The following CREB3L3 variants were observed in gnomAD, a reference collection of about 807,000 sequenced individuals.
CREB3L3 encodes cAMP responsive element binding protein 3 like 3, also known as cyclic AMP-responsive element-binding protein 3-like protein 3.
Under a neutral mutation model 44.6 loss-of-function variants are expected in CREB3L3, and 40 were observed. The observed-to-expected ratio is 0.90, with a 90% confidence interval of 0.70 to 1.17. CREB3L3 has a LOEUF of 1.17. Ranked by LOEUF, CREB3L3 falls within the 50% of genes most tolerant of loss-of-function variation. CREB3L3 has a pLI of 0.00. For synonymous variants in CREB3L3, 273 were observed against 256.3 expected (o/e 1.06, Z -0.62); for missense variants, 578 against 595.8 (o/e 0.97, Z 0.31).
Position 4,170,191 on chromosome 19 carries a change from T to C in CREB3L3, c.873T>C (p.His291=), listed in dbSNP as rs754680643. ...AGGAGTTACAGAGGAAAGTCTTGCATCTCGAGAAGCAAAACCTGTGAGTCT... is the reference window on the plus strand; with the variant it reads ...AGGAGTTACAGAGGAAAGTCTTGCACCTCGAGAAGCAAAACCTGTGAGTCT... ...QNQELQRKVL[H]LEKQNLSLLE... The change falls in exon 7 of 10, where the codon CAT becomes CAC. Residue 291 remains histidine (H), a synonymous_variant. Transcript: ENST00000078445. The C allele has an allele frequency of 2.5e-6, 4 of 1,614,044 alleles. No homozygotes were observed. In the Admixed American group the frequency reaches 6.7e-5, roughly 27 times the overall value.
chr19:4,159,543 G>A (rs2041631663), intron 3 of CREB3L3, 121 bp from the exon 4 acceptor site: 2 of 729,536 alleles, frequency 2.7e-6, no homozygotes, highest in East Asian at 2.6e-5. Flanking sequence ...TCTGGCAGAA[G>A]TCATATGAAT....
chr19:4,166,044 C>A (rs1966898138), intron 5 of CREB3L3, among the ~76,000 whole-genome samples: 1 of 151,956 alleles, frequency 6.6e-6, no homozygotes, highest in African/African-American at 2.4e-5. Context: ...CCCACCCAGC[C>A]TGCTGCACTC....
At chr19:4,154,042 C>T (rs1364793804) in intron 1 of CREB3L3, among the ~76,000 whole-genome samples, 1 of 152,110 alleles carries the variant, frequency 6.6e-6, no homozygotes, top group Admixed American at 6.6e-5. Flanking sequence ...TAGGGCCTCT[C>T]TCCAGCACTT....
chr19:4,158,496 C>T (rs1247845097), intron 3 of CREB3L3, among the ~76,000 whole-genome samples: 2 of 149,410 alleles, frequency 1.3e-5, no homozygotes, highest in African/African-American at 2.5e-5. Context: ...GACTCTGTCT[C>T]GAAAAAAAGC....
intron 4 of CREB3L3, 29 bp downstream of exon 4, chr19:4,159,811 C>A (rs370548067): frequency 2.6e-5 from 26 of 984,030 alleles, no homozygotes; most frequent in Non-Finnish European, 4.3e-5. Context: ...TCCCATGGGG[C>A]GTTGGAGCTG....
rs201461744 is a variant in CREB3L3, at chr19:4,171,934, C to T, written c.1351C>T (p.Arg451Cys). 7.5e-5 allele frequency: 120 copies of T among 1,609,888 alleles called. No individual in the cohort carries two copies. Among genetic ancestry groups the T allele is most frequent in the Non-Finnish European group, 9.4e-5 (111 of 1,178,784 alleles). The change falls in exon 10 of 10, where the codon CGT (arginine) becomes TGT (cysteine). Residue 451 changes from arginine (R) to cysteine (C), a missense_variant. By Grantham distance (180) the Arg-to-Cys change is radical (BLOSUM62 -3). Coordinates refer to ENST00000078445, the MANE Select transcript of CREB3L3 (RefSeq NM_032607.3). This position sits in a 1 kb window ranked among gnomAD's most constrained non-coding sequence, Gnocchi z 4.9. ...GCCTGGGCCGAGCACTGGCTCAGGACGTGCAGGGCTGGAGGCGGCGGGAGA... is the reference window on the plus strand; with the variant it reads ...GCCTGGGCCGAGCACTGGCTCAGGATGTGCAGGGCTGGAGGCGGCGGGAGA... ...VAPGPSTGSG[R>C]AGLEAAGDEL
In CREB3L3 at chr19:4,171,172, C is replaced by G. The variant is rs768895841; in HGVS notation, c.972C>G (p.Val324=). The part of the protein sequence containing the change: ...TSKSAQTGTC[V]AVLLLSFALI... Reference sequence around the variant, plus strand: ...AGTCAGCCCAGACAGGCACCTGTGTCGCAGTGAGTCCTGGTGCCCCCAGGC... The same window carrying G: ...AGTCAGCCCAGACAGGCACCTGTGTGGCAGTGAGTCCTGGTGCCCCCAGGC... The change falls in exon 8 of 10, where the codon GTC becomes GTG. Residue 324 remains valine, a synonymous_variant. Coordinates refer to ENST00000078445, the MANE Select transcript of CREB3L3 (RefSeq NM_032607.3). The surrounding 1 kb of genome is among the most constrained non-coding windows in gnomAD (Gnocchi z 4.9). The G allele has an allele frequency of 1.9e-6, 3 of 1,613,706 alleles. No homozygotes were observed. Among genetic ancestry groups the G allele is most frequent in the Non-Finnish European group, 2.5e-6 (3 of 1,179,660 alleles).
At chr19:4,158,369 C>T (rs945174103) in intron 3 of CREB3L3, among the ~76,000 whole-genome samples, 1 of 151,808 alleles carries the variant, frequency 6.6e-6, no homozygotes, top group Non-Finnish European at 1.5e-5. Context: ...TGGTGGGGGC[C>T]ACCTGTAGTC....
rs368774801 is a variant in CREB3L3 at position 4,154,954 on chromosome 19, T to G, written c.83T>G (p.Leu28Arg). ...DPIDSFELLD[L>R]LFDRQDGILR... ...ATCGACAGCTTTGAGCTCCTGGATC[T>G]CCTGTTTGACCGGCAGGACGGCATC... is the stretch of plus-strand genomic sequence containing the variant. Residue 28 changes from leucine (L) to arginine (R), a missense_variant, in exon 2 of 10, where the codon CTC (leucine) becomes CGC (arginine). Leu to Arg is a moderately radical substitution (Grantham distance 102). Coordinates refer to ENST00000078445, the MANE Select transcript of CREB3L3 (RefSeq NM_032607.3). 6.2e-6 allele frequency: 10 copies of G among 1,613,422 alleles called. No homozygotes were observed. The African/African-American group carries it at 1.3e-4, about 22-fold the overall frequency.
chr19:4,166,542 G>T, intron 5 of CREB3L3, among the ~76,000 whole-genome samples: 1 of 149,754 alleles, frequency 6.7e-6, no homozygotes. Flanking sequence ...GGGATTACAG[G>T]TGTGAGCCAC....
At chr19:4,160,199 G>A (rs2041640335) in intron 4 of CREB3L3, among the ~76,000 whole-genome samples, 1 of 151,426 alleles carries the variant, frequency 6.6e-6, no homozygotes, top group Admixed American at 6.6e-5. Context: ...GGGAGGCTGA[G>A]GTGGAAGGAT....
intron 4 of CREB3L3, among the ~76,000 whole-genome samples, chr19:4,160,346 T>A (rs1388713892): frequency 6.6e-6 from 1 of 151,904 alleles, no homozygotes; most frequent in Non-Finnish European, 1.5e-5. Flanking sequence ...GCACCTGCTA[T>A]ATGCCAGGCG....
rs1244887500 is a variant in CREB3L3 at position 4,172,922 on chromosome 19, G to T, written c.*953G>T. The T allele has an allele frequency of 6.5e-6, 1 of 153,530 alleles. No homozygotes were observed. Among genetic ancestry groups the T allele is most frequent in the Non-Finnish European group, 1.5e-5 (1 of 68,882 alleles). The allele number at this position is 153,530 out of a possible 1,614,324, so 9.5% of individuals were successfully genotyped here. A position where few individuals can be genotyped will look rare whatever the true frequency, so the allele number is the denominator to read the frequency against. ...CCCGGCCTCCCTCGCACACTGGGAG[G>T]AGGAAGCCGCCGAGACTGCAGGGAG... On this transcript the variant is annotated 3_prime_UTR_variant, in exon 10 of 10. Transcript: ENST00000078445.
At chr19:4,166,491 C>G (rs562479583) in intron 5 of CREB3L3, among the ~76,000 whole-genome samples, 1 of 136,710 alleles carries the variant, frequency 7.3e-6, no homozygotes, top group Admixed American at 8.2e-5. Context: ...GTCTCGATCT[C>G]TTGACCTTGT....
Position 4,171,470 on chromosome 19 carries a change from C to T in CREB3L3, c.1063C>T (p.Pro355Ser), listed in dbSNP as rs556404400. The T allele has an allele frequency of 6.2e-7, 1 of 1,614,078 alleles. No individual in the cohort carries two copies. Among genetic ancestry groups the T allele is most frequent in the South Asian group, 1.1e-5 (1 of 91,066 alleles). The change falls in exon 9 of 10, where the codon CCT becomes TCT. Residue 355 changes from proline (P) to serine (S), a missense_variant. Physicochemically the swap from Pro to Ser is moderately conservative, Grantham distance 74. Coordinates refer to ENST00000078445, the MANE Select transcript of CREB3L3 (RefSeq NM_032607.3). The surrounding 1 kb of genome is among the most constrained non-coding windows in gnomAD (Gnocchi z 4.9). Reference protein sequence around the residue: ...NKTESPGDFAPVRVFSRTLHN... With the variant: ...NKTESPGDFASVRVFSRTLHN... Reference sequence around the variant, plus strand: ...AACCGAGAGCCCTGGGGACTTTGCGCCTGTACGAGGTAGGGGATCCCCACC... The same window carrying T: ...AACCGAGAGCCCTGGGGACTTTGCGTCTGTACGAGGTAGGGGATCCCCACC...
Position 4,154,923 on chromosome 19 carries a change from G to A in CREB3L3, c.52G>A (p.Asp18Asn). ...GATGGCTTCTGCTGCCTGCTCCATG[G>A]ACCCCATCGACAGCTTTGAGCTCCT... ...GKMASAACSM[D>N]PIDSFELLDL... The change falls in exon 2 of 10, where the codon GAC becomes AAC. Residue 18 changes from aspartate to asparagine, a missense_variant. Transcript: ENST00000078445. The A allele has an allele frequency of 6.2e-7, 1 of 1,613,884 alleles. No individual in the cohort carries two copies. The highest frequency in any genetic ancestry group is 1.7e-4 in the Middle Eastern group (1 of 6,060).
rs373136010 is a variant in CREB3L3 at position 4,168,368 on chromosome 19, G to A, written c.732G>A (p.Leu244=). The A allele has an allele frequency of 1.2e-5, 19 of 1,610,166 alleles. No individual in the cohort carries two copies. The highest frequency in any genetic ancestry group is 1.5e-5 in the Non-Finnish European group (18 of 1,177,684). ...LPLTKYEERV[L]KKIRRKIRNK... ...CTTGGCAGTACGAGGAGCGAGTGCTGAAAAAAATCCGCCGGAAAATCCGGA... is the reference window on the plus strand; with the variant it reads ...CTTGGCAGTACGAGGAGCGAGTGCTAAAAAAAATCCGCCGGAAAATCCGGA... Residue 244 remains leucine (L), a synonymous_variant, in exon 6 of 10, where the codon CTG becomes CTA. Transcript: ENST00000078445.
At chr19:4,163,027 G>T (rs1018443214) in intron 4 of CREB3L3, among the ~76,000 whole-genome samples, 1 of 151,978 alleles carries the variant, frequency 6.6e-6, no homozygotes, top group Non-Finnish European at 1.5e-5. Context: ...TGTCAAAAGG[G>T]CCGGGCGCGG....
intron 5 of CREB3L3, among the ~76,000 whole-genome samples, chr19:4,168,007 T>TTATTTATC (rs1291139723): frequency 2.3e-4 from 31 of 136,034 alleles, no homozygotes; most frequent in African/African-American, 8.0e-4. Flanking sequence ...ATTTATCTAT[T>TTATTTATC]TATTTATTGA....
Sources: gnomAD v4.1 joint callset for allele counts (sites outside exome capture counted in the v4.1 genomes callset) on GRCh38, gnomAD v4.1.1 for gene constraint, Gnocchi (gnomAD v3.1) non-coding constraint, MANE v1.5 for transcripts, NCBI Gene and HGNC (gene_info 2026-07-23, HGNC 2026-07-21) for gene names.